Variants in NDUFAF2 observed in about 807,000 individuals in gnomAD.
The protein encoded by NDUFAF2 is NADH dehydrogenase [ubiquinone] 1 alpha subcomplex assembly factor 2.
A neutral mutation model predicts 22.8 loss-of-function variants in NDUFAF2; 13 were observed. The observed-to-expected ratio is 0.57, with a 90% CI of 0.37 to 0.91. The LOEUF (loss-of-function observed/expected upper bound fraction) is 0.91. Ranked by LOEUF, NDUFAF2 falls within the 40% of genes least tolerant of loss-of-function variation. NDUFAF2 has a pLI of 0.01. For missense variants in NDUFAF2, 162 were observed against 195.2 expected, an observed-to-expected ratio of 0.83 and a Z score of 1.01; for synonymous variants, 53 against 64.2, an observed-to-expected ratio of 0.83 and a Z score of 0.84.
At position 61,006,462 on chromosome 5, in the gene NDUFAF2, T is replaced by C. The variant is rs1236059384; in HGVS notation, c.127+61080T>C. On this transcript the variant is annotated intron_variant, in intron 1 of 3. Transcript: ENST00000296597. ...TTCCATATGAACTTTAAAGTAGTTT[T>C]TTCCAATTCTGTAAAGAAAGTCATT... Among the ~76,000 whole-genome samples the C allele has an allele frequency of 2.0e-5, 3 of 152,336 alleles. No homozygotes were observed. The East Asian group carries it at 5.8e-4, about 29-fold the overall frequency.
At chr5:60,977,992 A>C (rs1163594440) in intron 1 of NDUFAF2, among the ~76,000 whole-genome samples, 1 of 152,186 alleles carries the variant, frequency 6.6e-6, no homozygotes, top group Non-Finnish European at 1.5e-5. Context: ...AATCATAATA[A>C]GGAAAGAGGT....
chr5:61,069,053 A>T (rs1002183118), intron 1 of NDUFAF2, among the ~76,000 whole-genome samples: 1 of 152,094 alleles, frequency 6.6e-6, no homozygotes, highest in South Asian at 2.1e-4. Context: ...TATAGCTTAA[A>T]TGAAATTACT....
At chr5:61,055,851 A>G (rs980880166) in intron 1 of NDUFAF2, among the ~76,000 whole-genome samples, 2 of 152,204 alleles carry the variant, frequency 1.3e-5, no homozygotes, top group African/African-American at 4.8e-5. Flanking sequence ...ACCTTTCCTT[A>G]TCCATTCAAT....
intron 3 of NDUFAF2, chr5:61,116,125 T>C (rs1449074284): frequency 1.3e-5 from 2 of 152,112 alleles, no homozygotes; most frequent in Non-Finnish European, 2.9e-5. Context: ...TATTAGAAGA[T>C]TCGTCTTTGC....
chr5:61,042,084 T>G (rs936963076), intron 1 of NDUFAF2, among the ~76,000 whole-genome samples: 1 of 152,210 alleles, frequency 6.6e-6, no homozygotes, highest in African/African-American at 2.4e-5. Flanking sequence ...TTTGTACTTT[T>G]GGACTTAGAA....
intron 1 of NDUFAF2, among the ~76,000 whole-genome samples, chr5:60,995,248 A>T (rs1049976799): frequency 1.3e-5 from 2 of 152,066 alleles, no homozygotes; most frequent in Non-Finnish European, 2.9e-5. Context: ...ATGCAAATAG[A>T]TGTTCTTCAG....
chr5:61,083,724 C>T (rs977886498), intron 2 of NDUFAF2, among the ~76,000 whole-genome samples: 2 of 151,562 alleles, frequency 1.3e-5, no homozygotes, highest in African/African-American at 4.8e-5. Context: ...AAACTAATAC[C>T]TAAGTGTTTC....
intron 1 of NDUFAF2, among the ~76,000 whole-genome samples, chr5:60,957,266 C>T (rs1406404241): frequency 6.6e-6 from 1 of 152,114 alleles, no homozygotes; most frequent in Non-Finnish European, 1.5e-5. Flanking sequence ...TCCTAACCCC[C>T]AGTTATCTTT....
intron 1 of NDUFAF2, among the ~76,000 whole-genome samples, chr5:61,028,073 A>T (rs879653636): frequency 6.6e-6 from 1 of 152,058 alleles, no homozygotes; most frequent in African/African-American, 2.4e-5. Flanking sequence ...GAAATGTGCA[A>T]AACTTACAGT....
intron 3 of NDUFAF2, among the ~76,000 whole-genome samples, chr5:61,103,645 A>G (rs763682122): frequency 8.5e-5 from 13 of 152,196 alleles, no homozygotes; most frequent in African/African-American, 2.4e-4. Context: ...TCTCAATACT[A>G]TGTAATTACA....
chr5:60,987,166 A>G (rs1338508476), intron 1 of NDUFAF2, among the ~76,000 whole-genome samples: 1 of 152,184 alleles, frequency 6.6e-6, no homozygotes, highest in Non-Finnish European at 1.5e-5. Context: ...TATACAAACT[A>G]GAAACTCCAG....
intron 2 of NDUFAF2, among the ~76,000 whole-genome samples, chr5:61,075,827 G>T (rs1752361924): frequency 6.6e-6 from 1 of 152,154 alleles, no homozygotes; most frequent in Non-Finnish European, 1.5e-5. Flanking sequence ...GATGAATATT[G>T]TATTTGTCAA....
chr5:61,110,335 T>C (rs1000450123), intron 3 of NDUFAF2, among the ~76,000 whole-genome samples: 3 of 151,982 alleles, frequency 2.0e-5, no homozygotes, highest in Non-Finnish European at 2.9e-5. Flanking sequence ...ATTTGGTATA[T>C]TGACCTACTA....
chr5:61,103,422 G>A (rs1752726646), intron 3 of NDUFAF2, among the ~76,000 whole-genome samples: 1 of 151,730 alleles, frequency 6.6e-6, no homozygotes, highest in South Asian at 2.1e-4. Context: ...TTAACTGATA[G>A]AGCTAATCAC....
At chr5:61,006,782 T>A (rs1751372453) in intron 1 of NDUFAF2, among the ~76,000 whole-genome samples, 1 of 152,094 alleles carries the variant, frequency 6.6e-6, no homozygotes, top group Non-Finnish European at 1.5e-5. Context: ...GCAGTACAGG[T>A]ATTACCATCT....
intron 2 of NDUFAF2, among the ~76,000 whole-genome samples, chr5:61,076,371 G>A (rs1490459114): frequency 6.6e-6 from 1 of 152,168 alleles, no homozygotes; most frequent in African/African-American, 2.4e-5. Context: ...ACCGCGCCCG[G>A]CCGTTTTGCA....
intron 1 of NDUFAF2, among the ~76,000 whole-genome samples, chr5:60,961,979 A>G (rs147678919): frequency 0.012 from 1,823 of 152,010 alleles, 17 homozygotes; most frequent in South Asian, 0.027. Flanking sequence ...AAAAAATCTT[A>G]AAAAAGAATG....
At chr5:61,108,094 C>G (rs1579834083) in intron 3 of NDUFAF2, among the ~76,000 whole-genome samples, 1 of 149,376 alleles carries the variant, frequency 6.7e-6, no homozygotes, top group Non-Finnish European at 1.5e-5. Flanking sequence ...TTAATCCAGT[C>G]TATCATTGTT....
At chr5:61,152,653 C>T in intron 3 of NDUFAF2, 51 bp from the exon 4 acceptor site, 3 of 1,333,914 alleles carry the variant, frequency 2.2e-6, no homozygotes, top group Non-Finnish European at 1.0e-6. Context: ...TTTATAAAAA[C>T]TTTTTTTAAC....
Sources: allele counts gnomAD v4.1 joint callset (sites outside exome capture counted in the v4.1 genomes callset), GRCh38; gene constraint gnomAD v4.1.1; transcripts MANE v1.5; gene names NCBI Gene and HGNC (gene_info 2026-07-23, HGNC 2026-07-21).